The following FGF12 variants were observed in gnomAD, a reference collection of about 807,000 sequenced individuals.
FGF12 encodes the protein fibroblast growth factor 12B.
FGF12 carries 14 observed loss-of-function variants against 23.6 expected under a neutral mutation model. The observed-to-expected ratio is 0.59, with a 90% confidence interval of 0.39 to 0.93. The LOEUF (loss-of-function observed/expected upper bound fraction) is 0.93. Ranked by LOEUF, FGF12 falls within the 40% of genes least tolerant of loss-of-function variation. The pLI is 0.00. For synonymous variants in FGF12, 62 were observed against 77.3 expected, an observed-to-expected ratio of 0.80 and a Z score of 1.04; for missense variants, 175 against 217.8, an observed-to-expected ratio of 0.80 and a Z score of 1.24.
At chr3:192,687,366 A>G (rs1427580693) in intron 2 of FGF12, among the ~76,000 whole-genome samples, 2 of 151,896 alleles carry the variant, frequency 1.3e-5, no homozygotes, top group African/African-American at 4.8e-5. Context: ...CGCCCCACAC[A>G]TGGCACATAT....
chr3:192,304,986 A>G (rs941079442), intron 4 of FGF12, among the ~76,000 whole-genome samples: 2 of 152,186 alleles, frequency 1.3e-5, no homozygotes, highest in East Asian at 1.9e-4. Flanking sequence ...AAATACTCAT[A>G]AAAACAAAAA....
chr3:192,230,396 C>T (rs1290232976), intron 4 of FGF12, among the ~76,000 whole-genome samples: 2 of 152,090 alleles, frequency 1.3e-5, no homozygotes, highest in African/African-American at 4.8e-5. Context: ...TTTTGCATCA[C>T]TGAAGCAAAT....
intron 2 of FGF12, among the ~76,000 whole-genome samples, chr3:192,439,845 T>G (rs535581169): frequency 1.3e-5 from 2 of 151,572 alleles, no homozygotes. Context: ...GGTGTGGTGG[T>G]GGGCGCCTGT....
Position 192,378,019 on chromosome 3 carries a change from CTCTTTCTTTTCTT to C in FGF12, c.14-17494_14-17482del, listed in dbSNP as rs1560091581. Among the ~76,000 whole-genome samples the C allele has an allele frequency of 3.5e-3, 288 of 81,538 alleles. 44 individuals are homozygous for C. The highest frequency in any genetic ancestry group is 0.016 in the African/African-American group (280 of 17,302). 53.5% of individuals were successfully genotyped at this position (81,538 alleles called of 152,430 possible). A position where few individuals can be genotyped will look rare whatever the true frequency, so the allele number is the denominator to read the frequency against. On this transcript the variant is annotated intron_variant, in intron 2 of 5. Coordinates refer to ENST00000445105, the MANE Select transcript of FGF12 (RefSeq NM_004113.6). ...ATTAGACGAGATCCCTTTCTTCTGA[CTCTTTCTTTTCTT>C]TCTTTCTTTCTTTCTTTCTTTCTTT... is the stretch of plus-strand genomic sequence containing the variant.
chr3:192,251,120 C>A (rs1021011662), intron 4 of FGF12, among the ~76,000 whole-genome samples: 1 of 152,118 alleles, frequency 6.6e-6, no homozygotes, highest in African/African-American at 2.4e-5. Context: ...CCCTTTGTCA[C>A]TCTATGGAAA....
chr3:192,179,638 CG>C lies in FGF12; in HGVS notation c.229-8983del, dbSNP rs1320789566. 5.9e-5 allele frequency among the ~76,000 whole-genome samples: 9 copies of C among 151,954 alleles called. No individual in the cohort carries two copies. In the East Asian group the frequency reaches 1.7e-3, roughly 29 times the overall value. Reference sequence around the variant, plus strand: ...TTTGCTCACTGCAACCTCCGCCTCCCGGGTTCAAGTGATTCTCATGCCTCAG... The same window carrying C: ...TTTGCTCACTGCAACCTCCGCCTCCCGGTTCAAGTGATTCTCATGCCTCAG... On this transcript the variant is annotated intron_variant, in intron 4 of 5. Coordinates refer to ENST00000445105, the MANE Select transcript of FGF12 (RefSeq NM_004113.6).
chr3:192,655,211 T>A (rs1175889472), intron 2 of FGF12, among the ~76,000 whole-genome samples: 1 of 152,184 alleles, frequency 6.6e-6, no homozygotes, highest in Non-Finnish European at 1.5e-5. Flanking sequence ...TTCCTCCTTA[T>A]TAACACAATC....
chr3:192,615,860 G>T (rs1451228550), intron 2 of FGF12, among the ~76,000 whole-genome samples: 1 of 151,824 alleles, frequency 6.6e-6, no homozygotes, highest in African/African-American at 2.4e-5. Flanking sequence ...ATTGCATAGA[G>T]TCAATAACCA....
chr3:192,674,615 T>G lies in FGF12; in HGVS notation c.13+52566A>C, dbSNP rs369009674. 4.3e-3 allele frequency among the ~76,000 whole-genome samples: 658 copies of G among 152,306 alleles called. 3 individuals carry two copies. Among genetic ancestry groups the G allele is most frequent in the Middle Eastern group, 0.01 (3 of 294 alleles). ...AAAAAAAAGTTTTTAATTATAATAT[T>G]AATAAGATACATGCAGTTAGATGAA... On this transcript the variant is annotated intron_variant, in intron 2 of 5. Coordinates refer to ENST00000445105, the MANE Select transcript of FGF12 (RefSeq NM_004113.6).
Position 192,225,268 on chromosome 3 carries a change from G to A in FGF12, c.229-54612C>T, listed in dbSNP as rs535556786. Among the ~76,000 whole-genome samples the A allele has an allele frequency of 4.6e-5, 7 of 151,978 alleles. No individual in the cohort carries two copies. The East Asian group carries it at 1.2e-3, about 25-fold the overall frequency. On this transcript the variant is annotated intron_variant, in intron 4 of 5. Coordinates refer to ENST00000445105, the MANE Select transcript of FGF12 (RefSeq NM_004113.6). ...ATCCTCCTGCTCACTAGCCATCATC[G>A]CTCTGCACTCAATATTTTGCATATT...
At chr3:192,578,707 A>C (rs1713013541) in intron 2 of FGF12, among the ~76,000 whole-genome samples, 1 of 151,948 alleles carries the variant, frequency 6.6e-6, no homozygotes, top group Admixed American at 6.6e-5. Context: ...TACCTTTTTC[A>C]CTCAAATTAT....
chr3:192,150,098 C>T (rs1273809142), intron 5 of FGF12, among the ~76,000 whole-genome samples: 1 of 65,102 alleles, frequency 1.5e-5, no homozygotes, highest in African/African-American at 5.5e-5. Context: ...TGTTTTTTGG[C>T]TGCATAAATG....
chr3:192,648,032 CA>C (rs34221367), intron 2 of FGF12, among the ~76,000 whole-genome samples: 3,491 of 151,994 alleles, frequency 0.023, 48 homozygotes, highest in Middle Eastern at 0.065. Context: ...CACAAAGGGT[CA>C]AAATGAGGCT....
chr3:192,512,444 A>G (rs904504618), intron 2 of FGF12, among the ~76,000 whole-genome samples: 1 of 152,116 alleles, frequency 6.6e-6, no homozygotes, highest in Non-Finnish European at 1.5e-5. Context: ...AAGTTCTTAT[A>G]ACAGTGCCTG....
intron 4 of FGF12, among the ~76,000 whole-genome samples, chr3:192,201,703 C>G (rs1197929835): frequency 6.6e-6 from 1 of 152,174 alleles, no homozygotes; most frequent in Non-Finnish European, 1.5e-5. Context: ...CTTTTACTAA[C>G]TTAAAATCAT....
intron 2 of FGF12, among the ~76,000 whole-genome samples, chr3:192,682,481 T>A (rs182670758): frequency 3.5e-4 from 53 of 152,332 alleles, no homozygotes; most frequent in African/African-American, 1.2e-3. Flanking sequence ...TCCTCACCTG[T>A]CAAGTGAGAG....
At chr3:192,175,196 C>T (rs916056797) in intron 4 of FGF12, among the ~76,000 whole-genome samples, 19 of 152,176 alleles carry the variant, frequency 1.2e-4, no homozygotes, top group African/African-American at 4.3e-4. Context: ...AACAGGCAGG[C>T]TTGGGGTCAA....
intron 2 of FGF12, among the ~76,000 whole-genome samples, chr3:192,633,266 G>A (rs1221128905): frequency 3.3e-5 from 5 of 152,092 alleles, no homozygotes; most frequent in Admixed American, 6.5e-5. Flanking sequence ...GGCTGGTTTT[G>A]AATTCCTGAC....
Position 192,360,619 on chromosome 3 carries a change from G to T in FGF12, c.14-81C>A. The T allele has an allele frequency of 2.3e-6, 2 of 880,068 alleles. No individual in the cohort carries two copies. The highest frequency in any genetic ancestry group is 3.8e-6 in the Non-Finnish European group (2 of 523,952). The allele number at this position is 880,068 out of a possible 1,614,324, so 54.5% of individuals were successfully genotyped here. ...ACAGATTGTTAAAAACATCCTGTAA[G>T]TAAATACGTAAATGCCAATAGCTTA... On this transcript the variant is annotated intron_variant, in intron 2 of 5. Transcript: ENST00000445105. This position sits in a 1 kb window ranked among gnomAD's most constrained non-coding sequence, Gnocchi z 4.3.
Sources: allele counts gnomAD v4.1 joint callset (sites outside exome capture counted in the v4.1 genomes callset), GRCh38; gene constraint gnomAD v4.1.1; non-coding constraint Gnocchi (gnomAD v3.1); transcripts MANE v1.5; gene names NCBI Gene and HGNC (gene_info 2026-07-23, HGNC 2026-07-21).